NPM3: variants seen among roughly 807,000 people sequenced by gnomAD.
The protein encoded by NPM3 is nucleophosmin/nucleoplasmin 3, also known as nucleoplasmin-3.
NPM3 carries 12 observed loss-of-function variants against 18.1 expected under a neutral mutation model. That is an observed-to-expected ratio of 0.66 (90% confidence interval 0.42 to 1.07). The LOEUF (loss-of-function observed/expected upper bound fraction) is 1.07, where lower values mean the gene tolerates loss of function less well. Among genes scored for constraint, NPM3 ranks in the 50% least tolerant of loss-of-function variants. NPM3 has a pLI of 0.00. For missense variants in NPM3, 274 were observed against 232.1 expected (o/e 1.18, Z -1.17); for synonymous variants, 116 against 93.7 (o/e 1.24, Z -1.38).
At position 101,783,384 on chromosome 10, in the gene NPM3, C is replaced by T. The variant is rs146931276; in HGVS notation, c.7G>A (p.Ala3Thr). The T allele has an allele frequency of 1.2e-3, 1,956 of 1,606,610 alleles. 1 individual carries two copies. Among genetic ancestry groups the T allele is most frequent in the Non-Finnish European group, 1.6e-3 (1,849 of 1,176,558 alleles). ...AACGCTAAGGCAGCTGCAGTACCGG[C>T]GGCCATGCTGTAAGAGCCTTCTTCA... The change falls in exon 1 of 6, where the codon GCC (alanine) becomes ACC (threonine). Residue 3 changes from alanine to threonine, a missense_variant. Physicochemically the swap from Ala to Thr is moderately conservative, Grantham distance 58. Coordinates refer to ENST00000370110, the Ensembl canonical transcript of NPM3.
At chr10:101,782,556 T>C in exon 3 of NPM3, 1 of 1,614,066 alleles carries the variant, frequency 6.2e-7, no homozygotes, top group Non-Finnish European at 8.5e-7. Flanking sequence ...CCACAACTTC[T>C]ACCACATTAC....
chr10:101,782,189 T>G, intron 4 of NPM3, 69 bp downstream of exon 4: 1 of 1,352,986 alleles, frequency 7.4e-7, no homozygotes, highest in Non-Finnish European at 1.0e-6. Flanking sequence ...GGGGCAGGAG[T>G]GCGGAGTGGG....
exon 5 of NPM3, chr10:101,781,820 G>A (rs185085854): frequency 9.9e-6 from 16 of 1,614,046 alleles, no homozygotes; most frequent in East Asian, 2.2e-5. Context: ...CCTCTTCCTC[G>A]CTCTCCTCCT....
In NPM3 at chr10:101,783,372, CT is replaced by C. The variant is rs1246443709; in HGVS notation, c.18del (p.Ala7LeufsTer3). On this transcript the variant is annotated frameshift_variant, in exon 1 of 6. Coordinates refer to ENST00000370110, the Ensembl canonical transcript of NPM3. LOFTEE classifies it high-confidence loss of function. ...TCCTGACTCAAAAACGCTAAGGCAGCTGCAGTACCGGCGGCCATGCTGTAAG... is the reference window on the plus strand; with the variant it reads ...TCCTGACTCAAAAACGCTAAGGCAGCGCAGTACCGGCGGCCATGCTGTAAG... The C allele has an allele frequency of 6.2e-7, 1 of 1,610,652 alleles. No homozygotes were observed. Among genetic ancestry groups the C allele is most frequent in the South Asian group, 1.1e-5 (1 of 90,812 alleles).
intron 3 of NPM3, 30 bp from the exon 4 acceptor site, chr10:101,782,381 C>T (rs373843260): frequency 3.1e-6 from 5 of 1,609,670 alleles, no homozygotes; most frequent in East Asian, 2.2e-5. Flanking sequence ...GAAGGCCTGG[C>T]CCACTCCTAG....
At chr10:101,781,556 C>T (rs2065140936) in exon 6 of NPM3, 1 of 288,906 alleles carries the variant, frequency 3.5e-6, no homozygotes. Context: ...CTCTCCTCTT[C>T]AAGGAAGAAA....
At chr10:101,782,965 G>A in intron 1 of NPM3, 41 bp from the exon 2 acceptor site, 5 of 1,590,390 alleles carry the variant, frequency 3.1e-6, no homozygotes, top group Non-Finnish European at 4.3e-6. Context: ...CGTGTGTACG[G>A]GGCTGGGCAG....
exon 6 of NPM3, chr10:101,781,524 T>TCC: frequency 1.0e-5 from 2 of 199,440 alleles, no homozygotes; most frequent in South Asian, 4.6e-5. Context: ...CCCAAGTCCC[T>TCC]CCCACCCAAC....
At chr10:101,783,334 C>G in exon 1 of NPM3, 1 of 1,613,158 alleles carries the variant, frequency 6.2e-7, no homozygotes, top group African/African-American at 1.3e-5. Flanking sequence ...CACCCCCGGC[C>G]CGCGTTCGGC....
chr10:101,781,865 C>T lies in NPM3; in HGVS notation c.419-11G>A. The T allele has an allele frequency of 6.2e-7, 1 of 1,614,186 alleles. No homozygotes were observed. The highest frequency in any genetic ancestry group is 8.5e-7 in the Non-Finnish European group (1 of 1,180,044). On this transcript the variant is annotated splice_polypyrimidine_tract_variant and intron_variant, in intron 4 of 5. Transcript: ENST00000370110. The stretch of plus-strand genomic sequence containing the variant: ...CATTGCTCATCGTAACTGGTGGACA[C>T]ACAAGCAGTAGAAGGATGGGGTGTT...
At chr10:101,781,622 A>C (rs2065141428) in exon 6 of NPM3, 2 of 1,115,402 alleles carry the variant, frequency 1.8e-6, no homozygotes. Flanking sequence ...TGCATGGCAC[A>C]TGGAGCTGAC....
exon 4 of NPM3, chr10:101,782,347 C>G (rs2065148080): frequency 1.9e-6 from 3 of 1,613,704 alleles, no homozygotes; most frequent in Middle Eastern, 1.6e-4. Context: ...GTCATCCAGA[C>G]TGAGCTGGGA....
chr10:101,782,578 G>C, exon 3 of NPM3: 1 of 1,613,940 alleles, frequency 6.2e-7, no homozygotes, highest in Middle Eastern at 1.7e-4. Context: ...CTCGTCTTTG[G>C]CTCCCTCGGT....
Position 101,783,179 on chromosome 10 carries a change from C to A in NPM3, c.118+94G>T, listed in dbSNP as rs141364144. 2.2e-3 allele frequency: 2,208 copies of A among 1,019,660 alleles called. 66 individuals are homozygous for A. The Admixed American group carries it at 0.046, about 21-fold the overall frequency. 63.2% of individuals were successfully genotyped at this position (1,019,660 alleles called of 1,614,324 possible). A position where few individuals can be genotyped will look rare whatever the true frequency, so the allele number is the denominator to read the frequency against. ...CGGGAACAGCGAAGCAGCCCTCCGCCCACACCCACGCCTTGAAACCCTCCG... is the reference window on the plus strand; with the variant it reads ...CGGGAACAGCGAAGCAGCCCTCCGCACACACCCACGCCTTGAAACCCTCCG... On this transcript the variant is annotated intron_variant, in intron 1 of 5. Coordinates refer to ENST00000370110, the Ensembl canonical transcript of NPM3.
rs529747995 is a variant in NPM3 at position 101,781,610 on chromosome 10, G to A, written c.*32C>T. The A allele has an allele frequency of 6.6e-5, 66 of 1,006,202 alleles. No individual in the cohort carries two copies. The South Asian group carries it at 7.7e-4, about 12-fold the overall frequency. 62.3% of individuals were successfully genotyped at this position (1,006,202 alleles called of 1,614,324 possible). A position where few individuals can be genotyped will look rare whatever the true frequency, so the allele number is the denominator to read the frequency against. ...CTTGTCAGGGAACAGGGTGCATGGC[G>A]GTGCATGGCACATGGAGCTGACCTG... On this transcript the variant is annotated 3_prime_UTR_variant, in exon 6 of 6. Transcript: ENST00000370110.
rs1589817795 is a variant in NPM3, at chr10:101,782,730, G to A, written c.204+109C>T. The A allele has an allele frequency of 3.8e-6, 6 of 1,571,652 alleles. No homozygotes were observed. The East Asian group carries it at 9.2e-5, about 24-fold the overall frequency. On this transcript the variant is annotated intron_variant, in intron 2 of 5. Transcript: ENST00000370110. Reference sequence around the variant, plus strand: ...GGCCAGGGGAGCCGCCCATGCCGGGGGGTTAGGCTGAGGATGTGTCTCCAA... The same window carrying A: ...GGCCAGGGGAGCCGCCCATGCCGGGAGGTTAGGCTGAGGATGTGTCTCCAA...
exon 2 of NPM3, chr10:101,782,890 G>C (rs773733109): frequency 1.9e-6 from 3 of 1,614,206 alleles, no homozygotes; most frequent in Admixed American, 3.3e-5. Context: ...CTACCTTAAA[G>C]GTGAAGGAGC....
chr10:101,781,822 T>C, exon 5 of NPM3: 4 of 1,614,102 alleles, frequency 2.5e-6, no homozygotes, highest in South Asian at 1.1e-5. Context: ...TCTTCCTCGC[T>C]CTCCTCCTCA....
In NPM3 at chr10:101,783,261, C is replaced by T. The variant is rs1169768384; in HGVS notation, c.118+12G>A. 6.3e-7 allele frequency: 1 copy of T among 1,578,440 alleles called. No homozygotes were observed. The highest frequency in any genetic ancestry group is 8.7e-7 in the Non-Finnish European group (1 of 1,154,804). On this transcript the variant is annotated intron_variant, in intron 1 of 5. Coordinates refer to ENST00000370110, the Ensembl canonical transcript of NPM3. ...CCCCAGTACCACCCTCAGCCTCTCC[C>T]TTCACTAATACCGAAGAAAAAACTG...
Sources: allele counts gnomAD v4.1 joint callset, GRCh38; gene constraint gnomAD v4.1.1; transcripts MANE v1.5; gene names NCBI Gene and HGNC (gene_info 2026-07-23, HGNC 2026-07-21).